The following CTNNA3 variants were observed in gnomAD, a reference collection of about 807,000 sequenced individuals.
CTNNA3 encodes catenin alpha-3.
Under a neutral mutation model 95.7 loss-of-function variants are expected in CTNNA3, and 76 were observed. The ratio of observed to expected loss-of-function variants is 0.79; its 90% CI spans 0.66 to 0.96. The LOEUF (loss-of-function observed/expected upper bound fraction) is 0.96, where lower values mean the gene tolerates loss of function less well. Ranked by LOEUF, CTNNA3 falls within the 40% of genes least tolerant of loss-of-function variation. The pLI, the probability that CTNNA3 is intolerant of heterozygous loss-of-function variation, is 0.00. For missense variants in CTNNA3, 1,191 were observed against 1,089.8 expected, an observed-to-expected ratio of 1.09 and a Z score of -1.31; for synonymous variants, 431 against 374.4, an observed-to-expected ratio of 1.15 and a Z score of -1.74.
At chr10:67,435,321 T>C (rs993637284) in intron 5 of CTNNA3, among the ~76,000 whole-genome samples, 3 of 151,902 alleles carry the variant, frequency 2.0e-5, no homozygotes, top group Non-Finnish European at 4.4e-5. Flanking sequence ...AAGACTGAAT[T>C]TGAACATACC....
At chr10:66,084,404 G>T (rs2080899782) in intron 14 of CTNNA3, among the ~76,000 whole-genome samples, 1 of 151,798 alleles carries the variant, frequency 6.6e-6, no homozygotes, top group Non-Finnish European at 1.5e-5. Context: ...AAAAAAAAGA[G>T]AATGGGTCTT....
intron 9 of CTNNA3, among the ~76,000 whole-genome samples, chr10:66,677,929 G>A (rs71193762): frequency 0.36 from 55,037 of 151,670 alleles, 10,378 homozygotes; most frequent in Non-Finnish European, 0.41. Flanking sequence ...CTATTCTAAG[G>A]TTCCTTCCAG....
intron 16 of CTNNA3, among the ~76,000 whole-genome samples, chr10:65,985,276 TC>T (rs1391586601): frequency 1.3e-5 from 2 of 151,128 alleles, no homozygotes; most frequent in East Asian, 1.9e-4. Flanking sequence ...CTCATTTTTT[TC>T]CAAAAGGAAA....
At chr10:67,473,994 G>A (rs551472593) in intron 5 of CTNNA3, among the ~76,000 whole-genome samples, 29 of 152,192 alleles carry the variant, frequency 1.9e-4, no homozygotes, top group African/African-American at 7.0e-4. Context: ...AATTAGGAAG[G>A]CCACATGACA....
intron 7 of CTNNA3, among the ~76,000 whole-genome samples, chr10:66,954,623 T>G (rs912484868): frequency 6.6e-6 from 1 of 152,124 alleles, no homozygotes; most frequent in African/African-American, 2.4e-5. Flanking sequence ...AGAAGGAAAA[T>G]GAGGTTTAAA....
At chr10:66,486,977 A>C (rs1387289309) in intron 11 of CTNNA3, among the ~76,000 whole-genome samples, 1 of 152,144 alleles carries the variant, frequency 6.6e-6, no homozygotes, top group African/African-American at 2.4e-5. Context: ...GATCTCACTT[A>C]TACATGGAAT....
At chr10:67,355,711 C>T (rs532964454) in intron 5 of CTNNA3, among the ~76,000 whole-genome samples, 1 of 151,884 alleles carries the variant, frequency 6.6e-6, no homozygotes. Context: ...ATATAGAATG[C>T]CTTGAGATAT....
At chr10:66,997,715 C>T (rs924153361) in intron 7 of CTNNA3, among the ~76,000 whole-genome samples, 1 of 152,108 alleles carries the variant, frequency 6.6e-6, no homozygotes, top group Admixed American at 6.5e-5. Context: ...TAATCTTATA[C>T]CTTATTCCGT....
At chr10:67,100,209 A>C (rs988075198) in intron 7 of CTNNA3, among the ~76,000 whole-genome samples, 4 of 151,694 alleles carry the variant, frequency 2.6e-5, no homozygotes, top group African/African-American at 9.7e-5. Context: ...TCTTTCTTAA[A>C]TATTTTAAAT....
intron 5 of CTNNA3, among the ~76,000 whole-genome samples, chr10:67,426,149 CA>C (rs890300405): frequency 2.6e-5 from 4 of 152,038 alleles, no homozygotes; most frequent in African/African-American, 9.7e-5. Context: ...GTAGAAGAAG[CA>C]GAAAATGACC....
intron 7 of CTNNA3, among the ~76,000 whole-genome samples, chr10:67,140,558 CAA>C (rs370135768): frequency 6.6e-6 from 1 of 151,898 alleles, no homozygotes; most frequent in African/African-American, 2.4e-5. Flanking sequence ...ATTACATGTA[CAA>C]AGAGAGATGC....
chr10:66,427,916 C>T (rs4746586), intron 11 of CTNNA3, among the ~76,000 whole-genome samples: 60,767 of 151,694 alleles, frequency 0.4, 12,997 homozygotes, highest in East Asian at 0.6. Context: ...TAACCTTAAA[C>T]GTAAATGGAC....
At chr10:67,125,398 A>T (rs1231259322) in intron 7 of CTNNA3, among the ~76,000 whole-genome samples, 6 of 152,158 alleles carry the variant, frequency 3.9e-5, no homozygotes, top group Non-Finnish European at 5.9e-5. Flanking sequence ...CTCATTTTTT[A>T]AAAAATTCAT....
chr10:67,140,420 C>T (rs1477053381), intron 7 of CTNNA3, among the ~76,000 whole-genome samples: 3 of 151,970 alleles, frequency 2.0e-5, no homozygotes, highest in Admixed American at 6.6e-5. Flanking sequence ...AAGAAGCATT[C>T]GATTTATATT....
chr10:66,498,858 T>C (rs955379745), intron 11 of CTNNA3, among the ~76,000 whole-genome samples: 3 of 152,222 alleles, frequency 2.0e-5, no homozygotes, highest in Admixed American at 2.0e-4. Context: ...GGCTTTGCTC[T>C]AAAGCCTATG....
chr10:66,024,373 GC>G (rs1202870713), intron 15 of CTNNA3, among the ~76,000 whole-genome samples: 1 of 152,160 alleles, frequency 6.6e-6, no homozygotes, highest in Non-Finnish European at 1.5e-5. Flanking sequence ...ACAGGCGTGA[GC>G]CACCACGCCC....
intron 7 of CTNNA3, among the ~76,000 whole-genome samples, chr10:67,071,763 A>T (rs945610888): frequency 6.6e-6 from 1 of 152,210 alleles, no homozygotes; most frequent in Non-Finnish European, 1.5e-5. Context: ...AAAAATTAGC[A>T]TAACACAAAT....
chr10:66,348,712 A>T (rs906450933), intron 12 of CTNNA3, among the ~76,000 whole-genome samples: 1 of 152,124 alleles, frequency 6.6e-6, no homozygotes, highest in Admixed American at 6.6e-5. Flanking sequence ...ACACCATTAT[A>T]GTCTGTAGGT....
At chr10:66,053,744 A>G (rs539825422) in intron 15 of CTNNA3, among the ~76,000 whole-genome samples, 16 of 152,092 alleles carry the variant, frequency 1.1e-4, no homozygotes, top group Non-Finnish European at 1.6e-4. Context: ...GGTATCTAAT[A>G]TTTATCTTTT....
Sources: allele counts gnomAD v4.1 joint callset (sites outside exome capture counted in the v4.1 genomes callset), GRCh38; gene constraint gnomAD v4.1.1; transcripts MANE v1.5; gene names NCBI Gene and HGNC (gene_info 2026-07-23, HGNC 2026-07-21).